TMCO4: variants seen among roughly 807,000 people sequenced by gnomAD.
TMCO4 encodes the protein transmembrane and coiled-coil domains 4.
In TMCO4, 58 loss-of-function variants were observed where a neutral mutation model predicts 64.7. The observed-to-expected ratio is 0.90, with a 90% CI of 0.73 to 1.12. The LOEUF is 1.12. Among genes scored for constraint, TMCO4 ranks in the 50% most tolerant of loss-of-function variants. The pLI is 0.00. For missense variants in TMCO4, 780 were observed against 825.9 expected, an observed-to-expected ratio of 0.94 and a Z score of 0.68; for synonymous variants, 325 against 346.1, an observed-to-expected ratio of 0.94 and a Z score of 0.68.
At chr1:19,702,047 G>T (rs2100624905) in intron 13 of TMCO4, among the ~76,000 whole-genome samples, 1 of 152,188 alleles carries the variant, frequency 6.6e-6, no homozygotes, top group Non-Finnish European at 1.5e-5. Context: ...TCGGCTCACT[G>T]CAAGCTCCGC....
At chr1:19,751,337 C>T (rs1292358221) in intron 7 of TMCO4, among the ~76,000 whole-genome samples, 1 of 152,180 alleles carries the variant, frequency 6.6e-6, no homozygotes, top group Non-Finnish European at 1.5e-5. Context: ...GTGGCTCATG[C>T]CTGTAATCCT....
At chr1:19,763,669 C>T (rs1042324812) in intron 6 of TMCO4, among the ~76,000 whole-genome samples, 1 of 152,202 alleles carries the variant, frequency 6.6e-6, no homozygotes, top group African/African-American at 2.4e-5. Context: ...TAACTGCTAA[C>T]CTCACCCACC....
intron 13 of TMCO4, among the ~76,000 whole-genome samples, chr1:19,705,660 C>G (rs2095299146): frequency 6.6e-6 from 1 of 151,848 alleles, no homozygotes; most frequent in Non-Finnish European, 1.5e-5. Context: ...TTAGACCCAC[C>G]CAAGGTAGAT....
intron 6 of TMCO4, among the ~76,000 whole-genome samples, chr1:19,758,890 C>T (rs973307805): frequency 6.6e-6 from 1 of 152,066 alleles, no homozygotes; most frequent in African/African-American, 2.4e-5. Flanking sequence ...CACTTGAGGT[C>T]AGGAGTTCAA....
At chr1:19,700,676 G>A in intron 14 of TMCO4, 92 bp downstream of exon 14, 1 of 1,159,628 alleles carries the variant, frequency 8.6e-7, no homozygotes, top group Non-Finnish European at 1.3e-6. Flanking sequence ...CAGGGATTAG[G>A]TCTCAAATAT....
chr1:19,797,956 GAGAAAAGAAAAGAAAAGAAA>G (rs56065038), intron 2 of TMCO4, 161 bp downstream of exon 2: 1,754 of 122,052 alleles, frequency 0.014, 30 homozygotes, highest in African/African-American at 0.029. Flanking sequence ...GAGAAAGAGA[GAGAAAAGAAAAGAAAAGAAA>G]AGAAAAGAAA....
At chr1:19,717,429 A>G (rs541285553) in intron 13 of TMCO4, among the ~76,000 whole-genome samples, 8 of 152,290 alleles carry the variant, frequency 5.3e-5, no homozygotes, top group African/African-American at 1.9e-4. Flanking sequence ...GCTGGCTGAT[A>G]GATCAATTAA....
intron 7 of TMCO4, among the ~76,000 whole-genome samples, chr1:19,750,723 G>A (rs1230176190): frequency 1.3e-5 from 2 of 152,152 alleles, no homozygotes; most frequent in Non-Finnish European, 2.9e-5. Context: ...ATACTGAGCT[G>A]TCTCCAGTCA....
At chr1:19,740,113 G>A (rs147905112) in intron 11 of TMCO4, among the ~76,000 whole-genome samples, 153 bp from the exon 12 acceptor site, 1 of 152,258 alleles carries the variant, frequency 6.6e-6, no homozygotes, top group African/African-American at 2.4e-5. Flanking sequence ...AAAGAAATCC[G>A]AAACTCATGA....
intron 13 of TMCO4, among the ~76,000 whole-genome samples, chr1:19,702,632 C>T (rs1275510808): frequency 2.0e-5 from 3 of 152,094 alleles, no homozygotes; most frequent in East Asian, 3.9e-4. Context: ...GTGGTGCACA[C>T]CTATAGTCCC....
At chr1:19,685,318 C>G (rs933825221) in intron 15 of TMCO4, among the ~76,000 whole-genome samples, 5 of 126,094 alleles carry the variant, frequency 4.0e-5, no homozygotes, top group African/African-American at 1.6e-4. Flanking sequence ...AGAGCAAGAC[C>G]CTGTCTCCAG....
intron 13 of TMCO4, among the ~76,000 whole-genome samples, chr1:19,735,277 G>A (rs1210763659): frequency 6.6e-6 from 1 of 152,178 alleles, no homozygotes; most frequent in Non-Finnish European, 1.5e-5. Flanking sequence ...ATCCCCCCAT[G>A]ATCCTTTGAG....
At chr1:19,721,378 T>C (rs1023892794) in intron 13 of TMCO4, among the ~76,000 whole-genome samples, 1 of 152,184 alleles carries the variant, frequency 6.6e-6, no homozygotes, top group Non-Finnish European at 1.5e-5. Context: ...ACGTGCTCCA[T>C]TGCTTGAGAG....
At chr1:19,766,237 GT>G (rs917780332) in intron 6 of TMCO4, among the ~76,000 whole-genome samples, 2 of 152,172 alleles carry the variant, frequency 1.3e-5, no homozygotes, top group African/African-American at 4.8e-5. Context: ...GGATGCAAAG[GT>G]AAACAGGCCC....
At chr1:19,701,758 G>A (rs2095273796) in intron 13 of TMCO4, among the ~76,000 whole-genome samples, 2 of 152,102 alleles carry the variant, frequency 1.3e-5, no homozygotes, top group African/African-American at 4.8e-5. Flanking sequence ...GGGGCGAGTA[G>A]GTCCTGGGGT....
At chr1:19,696,128 A>C (rs1312663493) in intron 14 of TMCO4, among the ~76,000 whole-genome samples, 2 of 152,104 alleles carry the variant, frequency 1.3e-5, no homozygotes, top group African/African-American at 4.8e-5. Flanking sequence ...GCTCCCTTAT[A>C]AGCAGACCAT....
rs2095446263 is a variant in TMCO4 at position 19,734,782 on chromosome 1, G to A, written c.1264+2590C>T. On this transcript the variant is annotated intron_variant, in intron 13 of 15. Transcript: ENST00000294543. This position sits in a 1 kb window ranked among gnomAD's most constrained non-coding sequence, Gnocchi z 4.4. ...AGGGCTCCAGGGCCAGACTCCCTGG[G>A]CCTGAATCCTGGCTCTGGCACTTAG... Among the ~76,000 whole-genome samples, 1 of 152,118 alleles carries A rather than the reference G, an allele frequency of 6.6e-6. No homozygotes were observed. The highest frequency in any genetic ancestry group is 6.5e-5 in the Admixed American group (1 of 15,278).
At chr1:19,764,842 C>CAAAAA (rs33963523) in intron 6 of TMCO4, among the ~76,000 whole-genome samples, 2 of 70,416 alleles carry the variant, frequency 2.8e-5, no homozygotes, top group African/African-American at 6.2e-5. Flanking sequence ...AACTCTGTCT[C>CAAAAA]AAAAAAAAAA....
At chr1:19,773,550 A>G (rs2043079532) in intron 4 of TMCO4, among the ~76,000 whole-genome samples, 3 of 152,218 alleles carry the variant, frequency 2.0e-5, no homozygotes, top group Non-Finnish European at 4.4e-5. Flanking sequence ...AGGCAGGCCC[A>G]AAAAGGTACA....
Sources: allele counts gnomAD v4.1 joint callset (sites outside exome capture counted in the v4.1 genomes callset), GRCh38; gene constraint gnomAD v4.1.1; non-coding constraint Gnocchi (gnomAD v3.1); transcripts MANE v1.5; gene names NCBI Gene and HGNC (gene_info 2026-07-23, HGNC 2026-07-21).